The following DNAH17 variants were observed in gnomAD, a reference collection of about 807,000 sequenced individuals.
DNAH17 encodes the protein axonemal beta dynein heavy chain 17.
Under a neutral mutation model 485.6 loss-of-function variants are expected in DNAH17, and 376 were observed. The ratio of observed to expected loss-of-function variants is 0.77; its 90% CI spans 0.71 to 0.84. DNAH17 has a LOEUF of 0.84. DNAH17 is among the 40% of genes least tolerant of loss of function. DNAH17 has a pLI of 0.00. For synonymous variants in DNAH17, 3,031 were observed against 2,405.9 expected (o/e 1.26, Z -7.60); for missense variants, 6,370 against 5,839.3 (o/e 1.09, Z -2.96).
chr17:78,521,504 C>A (rs1006930291), intron 25 of DNAH17, among the ~76,000 whole-genome samples: 1 of 152,034 alleles, frequency 6.6e-6, no homozygotes, highest in Non-Finnish European at 1.5e-5. Context: ...AATAAATGAA[C>A]CTTAACCCAA....
chr17:78,476,913 G>T (rs2089055989), intron 51 of DNAH17, among the ~76,000 whole-genome samples, 180 bp from the exon 52 acceptor site: 1 of 152,110 alleles, frequency 6.6e-6, no homozygotes, highest in African/African-American at 2.4e-5. Flanking sequence ...AAAAATCCCG[G>T]ATGCCAGTGT....
intron 44 of DNAH17, among the ~76,000 whole-genome samples, chr17:78,488,845 G>A (rs373758160): frequency 6.6e-6 from 1 of 152,140 alleles, no homozygotes; most frequent in South Asian, 2.1e-4. Context: ...AGGCGGAGAT[G>A]GGAGGGGTGT....
In DNAH17 at chr17:78,561,829, T is replaced by G; in HGVS notation, c.1721A>C (p.Asn574Thr). ...CATGTTTTTGTGGATCAGGGGGATG[T>G]TCCCCTCCTCGGAGGCCGCCATCTG... ...DAQMAASEEGNIPLIHKNMPP... is the reference protein window; with the variant it reads ...DAQMAASEEGTIPLIHKNMPP... The change falls in exon 12 of 81, where the codon AAC becomes ACC. Residue 574 changes from asparagine to threonine, a missense_variant. Asn to Thr is a moderately conservative substitution (Grantham distance 65, BLOSUM62 0). Coordinates refer to ENST00000389840, the MANE Select transcript of DNAH17 (RefSeq NM_173628.4). 1 of 1,613,908 alleles carries G rather than the reference T, an allele frequency of 6.2e-7. No homozygotes were observed. Among genetic ancestry groups the G allele is most frequent in the Non-Finnish European group, 8.5e-7 (1 of 1,179,858 alleles).
chr17:78,532,995 G>T (rs564787730), intron 19 of DNAH17: 11 of 334,578 alleles, frequency 3.3e-5, no homozygotes, highest in Non-Finnish European at 6.0e-5. Flanking sequence ...GGGCTCAAGC[G>T]ATCCTCCTGC....
At chr17:78,571,893 C>T in intron 3 of DNAH17, 111 bp from the exon 4 acceptor site, 1 of 1,072,930 alleles carries the variant, frequency 9.3e-7, no homozygotes, top group East Asian at 2.6e-5. Context: ...AGCAGCAGCA[C>T]CGTCTGGTCT....
chr17:78,458,595 G>A lies in DNAH17; in HGVS notation c.9947C>T (p.Ala3316Val), dbSNP rs1373914963. The part of the protein sequence containing the change: ...EKIKCQQEAD[A>V]TNRVILLANR... ...CGCCAGTAAGATCACCCTGTTCGTG[G>A]CATCGGCCTCTTGCTGACACTTGAT... The change falls in exon 62 of 81, where the codon GCC (alanine) becomes GTC (valine). Residue 3316 changes from alanine to valine, a missense_variant. Transcript: ENST00000389840. The A allele has an allele frequency of 1.2e-6, 2 of 1,613,956 alleles. No homozygotes were observed. Among genetic ancestry groups the A allele is most frequent in the Non-Finnish European group, 1.7e-6 (2 of 1,179,866 alleles).
chr17:78,482,876 C>G (rs779362816), intron 48 of DNAH17, among the ~76,000 whole-genome samples: 1 of 152,308 alleles, frequency 6.6e-6, no homozygotes, highest in South Asian at 2.1e-4. Flanking sequence ...AGATGTGGAC[C>G]TAGGGCTGAA....
At chr17:78,428,981 G>T in intron 76 of DNAH17, 140 bp downstream of exon 76, 1 of 793,840 alleles carries the variant, frequency 1.3e-6, no homozygotes, top group Non-Finnish European at 2.0e-6. Flanking sequence ...TCTTCCAAGT[G>T]AGACGCATTT....
intron 27 of DNAH17, among the ~76,000 whole-genome samples, chr17:78,508,974 T>G (rs1216153202): frequency 6.7e-6 from 1 of 148,476 alleles, no homozygotes; most frequent in East Asian, 2.0e-4. Context: ...CAGCTGTTTT[T>G]TTTTTTTTTT....
At chr17:78,426,111 A>C (rs1305473156) in intron 79 of DNAH17, among the ~76,000 whole-genome samples, 2 of 152,244 alleles carry the variant, frequency 1.3e-5, no homozygotes, top group Non-Finnish European at 2.9e-5. Flanking sequence ...AGGGTCAGGA[A>C]GAAAATGGCT....
chr17:78,565,014 G>A (rs2092239010), intron 11 of DNAH17, among the ~76,000 whole-genome samples: 1 of 152,144 alleles, frequency 6.6e-6, no homozygotes, highest in Admixed American at 6.5e-5. Flanking sequence ...TCCCGCAGGG[G>A]ATGTCTGATT....
chr17:78,465,271 G>T (rs555771343), intron 56 of DNAH17, among the ~76,000 whole-genome samples: 1 of 151,822 alleles, frequency 6.6e-6, no homozygotes, highest in African/African-American at 2.4e-5. Flanking sequence ...GCGTGATCTC[G>T]GCTCGCTACA....
intron 9 of DNAH17, among the ~76,000 whole-genome samples, chr17:78,567,966 C>G (rs991379815): frequency 6.6e-6 from 1 of 152,170 alleles, no homozygotes; most frequent in African/African-American, 2.4e-5. Context: ...CATCACTCCC[C>G]TGAACTGGTG....
intron 25 of DNAH17, among the ~76,000 whole-genome samples, chr17:78,521,366 A>T (rs2090929304): frequency 6.6e-6 from 1 of 152,182 alleles, no homozygotes; most frequent in Non-Finnish European, 1.5e-5. Context: ...AGATCGCACC[A>T]CAGCACTCCA....
intron 20 of DNAH17, 30 bp from the exon 21 acceptor site, chr17:78,530,542 A>G: frequency 1.9e-6 from 3 of 1,583,420 alleles, no homozygotes; most frequent in South Asian, 1.1e-5. Context: ...GCGGCCTGTC[A>G]TAGCCTGCAA....
At chr17:78,539,598 G>A (rs2091466800) in intron 18 of DNAH17, 139 bp downstream of exon 18, 2 of 795,048 alleles carry the variant, frequency 2.5e-6, no homozygotes, top group Non-Finnish European at 3.7e-6. Flanking sequence ...TTAAAACCAG[G>A]TCAAGTAGAT....
Position 78,429,067 on chromosome 17 carries a change from C to T in DNAH17, c.12405+54G>A, listed in dbSNP as rs563628868. ...TCCATTTGTGCTGGCAGGCTCTCAC[C>T]GGGAGGCACGAGCCTTCATTACGTT... On this transcript the variant is annotated intron_variant, in intron 76 of 80. Coordinates refer to ENST00000389840, the MANE Select transcript of DNAH17 (RefSeq NM_173628.4). 74 of 1,577,128 alleles carry T rather than the reference C, an allele frequency of 4.7e-5. 2 individuals carry two copies. In the Admixed American group the frequency reaches 6.1e-4, roughly 13 times the overall value.
intron 52 of DNAH17, among the ~76,000 whole-genome samples, chr17:78,476,338 C>T (rs677647): frequency 4.7e-5 from 4 of 86,020 alleles, no homozygotes; most frequent in Admixed American, 1.1e-4. Flanking sequence ...CCCACAGCCA[C>T]GTGCCGGAGT....
rs894966 is a variant in DNAH17 at position 78,561,780 on chromosome 17, T to C, written c.1770A>G (p.Lys590=). 1,539,996 of 1,613,294 alleles carry C rather than the reference T, an allele frequency of 0.95. 735,375 individuals are homozygous for C. The highest frequency in any genetic ancestry group is 0.96 in the Non-Finnish European group (1,135,380 of 1,179,620). ...GCCTCTCCTGCAGCTCCAGGCTCCA[T>C]TTGAGCTGCCCGGCCACGGGAGGCA... ...KNMPPVAGQL[K]WSLELQERLE... Residue 590 remains lysine (K), a synonymous_variant, in exon 12 of 81, where the codon AAA becomes AAG. Coordinates refer to ENST00000389840, the MANE Select transcript of DNAH17 (RefSeq NM_173628.4).
Sources: allele counts gnomAD v4.1 joint callset (sites outside exome capture counted in the v4.1 genomes callset), GRCh38; gene constraint gnomAD v4.1.1; transcripts MANE v1.5; gene names NCBI Gene and HGNC (gene_info 2026-07-23, HGNC 2026-07-21).